Variants in NHLRC3 observed in about 807,000 individuals in gnomAD.
NHLRC3 encodes the protein NHL repeat-containing protein 3.
In NHLRC3, 23 loss-of-function variants were observed where a neutral mutation model predicts 32.0. The observed-to-expected ratio is 0.72, with a 90% CI of 0.52 to 1.02. The LOEUF (loss-of-function observed/expected upper bound fraction) is 1.02, where lower values mean the gene tolerates loss of function less well. Among genes scored for constraint, NHLRC3 ranks in the 50% least tolerant of loss-of-function variants. NHLRC3 has a pLI of 0.00. For missense variants in NHLRC3, 407 were observed against 406.8 expected (o/e 1.00, Z -0.01); for synonymous variants, 159 against 147.9 (o/e 1.08, Z -0.55).
intron 1 of NHLRC3, 117 bp from the exon 2 acceptor site, chr13:39,039,019 C>T (rs1419595744): frequency 1.2e-6 from 1 of 817,454 alleles, no homozygotes; most frequent in South Asian, 1.8e-5. Context: ...TTCAGTCCAG[C>T]AAACTTCTAG....
intron 4 of NHLRC3, 68 bp downstream of exon 4, chr13:39,042,373 T>C: frequency 2.0e-6 from 2 of 1,015,728 alleles, no homozygotes; most frequent in South Asian, 1.6e-5. Flanking sequence ...ATATTTGGTA[T>C]AATGTTTTAA....
chr13:39,045,264 T>G lies in NHLRC3; in HGVS notation c.678+1083T>G, dbSNP rs942222250. On this transcript the variant is annotated intron_variant, in intron 5 of 6. Transcript: ENST00000379600. ...TAAATTGGGAACTGGAAACTTTGAA[T>G]TAAACTTTTGCACATTATCCTCCTG... 3.9e-5 allele frequency among the ~76,000 whole-genome samples: 6 copies of G among 152,180 alleles called. No individual in the cohort carries two copies. The East Asian group carries it at 1.2e-3, about 29-fold the overall frequency.
At chr13:39,044,244 T>TGG (rs1871580604) in intron 5 of NHLRC3, 63 bp downstream of exon 5, 1 of 938,206 alleles carries the variant, frequency 1.1e-6, no homozygotes, top group African/African-American at 1.6e-5. Context: ...TGTGTGTGTG[T>TGG]GTGTGTGTGT....
rs1871288707 is a variant in NHLRC3, at chr13:39,038,465, G to A, written c.-175G>A. The A allele has an allele frequency of 6.4e-6, 4 of 627,774 alleles. No individual in the cohort carries two copies. In the East Asian group the frequency reaches 1.1e-4, roughly 17 times the overall value. The allele number at this position is 627,774 out of a possible 1,614,324, so 38.9% of individuals were successfully genotyped here. The stretch of plus-strand genomic sequence containing the variant: ...GTCTTCTGTGATTTTCATTCGCCCT[G>A]GTCTCTGTTCCCTTTCGTACTCAAA... On this transcript the variant is annotated 5_prime_UTR_variant, in exon 1 of 7. Transcript: ENST00000379600.
intron 4 of NHLRC3, 105 bp downstream of exon 4, chr13:39,042,410 G>A: frequency 1.5e-6 from 1 of 676,538 alleles, no homozygotes. Context: ...GGTGTGTAAA[G>A]AGCTAAGTGT....
At chr13:39,043,607 CA>C (rs1412453787) in intron 4 of NHLRC3, among the ~76,000 whole-genome samples, 1 of 152,128 alleles carries the variant, frequency 6.6e-6, no homozygotes, top group Non-Finnish European at 1.5e-5. Context: ...ATTTTATCTG[CA>C]AAAACTATTT....
At chr13:39,039,408 T>C in intron 2 of NHLRC3, 120 bp downstream of exon 2, 1 of 1,085,646 alleles carries the variant, frequency 9.2e-7, no homozygotes, top group Non-Finnish European at 1.3e-6. Context: ...TATTTTTGAG[T>C]TGGTCTCAAG....
chr13:39,039,243 T>C lies in NHLRC3; in HGVS notation c.192T>C (p.Phe64=), dbSNP rs1228019599. The C allele has an allele frequency of 6.2e-7, 1 of 1,614,106 alleles. No homozygotes were observed. Residue 64 remains phenylalanine (F), a synonymous_variant, in exon 2 of 7, where the codon TTT becomes TTC. Coordinates refer to ENST00000379600, the MANE Select transcript of NHLRC3 (RefSeq NM_001012754.4). Reference sequence around the variant, plus strand: ...CAGAATATTTTACCGGAACAACATTTTGTGTTGCAGTTGACTCCCTCAATG... The same window carrying C: ...CAGAATATTTTACCGGAACAACATTCTGTGTTGCAGTTGACTCCCTCAATG... The part of the protein sequence containing the change: ...KHPEYFTGTT[F]CVAVDSLNGL...
chr13:39,045,697 G>A (rs1844300774), intron 5 of NHLRC3, among the ~76,000 whole-genome samples: 1 of 152,110 alleles, frequency 6.6e-6, no homozygotes, highest in African/African-American at 2.4e-5. Flanking sequence ...TCATTTGTCT[G>A]GGATACTAGT....
intron 5 of NHLRC3, among the ~76,000 whole-genome samples, chr13:39,044,781 A>G (rs1277556012): frequency 6.6e-6 from 1 of 152,178 alleles, no homozygotes; most frequent in Non-Finnish European, 1.5e-5. Context: ...CTAAGCATAG[A>G]TCTCACTTCT....
In NHLRC3 at chr13:39,044,229, T is replaced by TTGTGGGTGTGTG. The variant is rs397951843; in HGVS notation, c.678+52_678+53insGGTGTGTGTGTG. 2.1e-3 allele frequency: 1,804 copies of TTGTGGGTGTGTG among 858,900 alleles called. 61 individuals carry two copies. Among genetic ancestry groups the TTGTGGGTGTGTG allele is most frequent in the African/African-American group, 6.0e-3 (304 of 50,534 alleles). The allele number at this position is 858,900 out of a possible 1,614,324, so 53.2% of individuals were successfully genotyped here. On this transcript the variant is annotated intron_variant, in intron 5 of 6. Transcript: ENST00000379600. ...TCTGGGACTTTGTGTCTGAATATGT[T>TTGTGGGTGTGTG]TGTGTGTGTGTGTGTGTGTGTGTGT...
intron 5 of NHLRC3, among the ~76,000 whole-genome samples, chr13:39,046,239 T>TAC (rs1224845900): frequency 2.0e-5 from 3 of 152,068 alleles, no homozygotes; most frequent in Non-Finnish European, 4.4e-5. Context: ...GAATGGCGTG[T>TAC]ACCCGGGAGG....
rs959455517 is a variant in NHLRC3 at position 39,049,358 on chromosome 13, A to G, written c.*1432A>G. Reference sequence around the variant, plus strand: ...TACTCTGTATTCCAAGGCCATTGGTAAATGTGTTGGTGCCACTGATCGGAC... The same window carrying G: ...TACTCTGTATTCCAAGGCCATTGGTGAATGTGTTGGTGCCACTGATCGGAC... On this transcript the variant is annotated 3_prime_UTR_variant, in exon 7 of 7. Transcript: ENST00000379600. 4 of 152,218 alleles carry G rather than the reference A, an allele frequency of 2.6e-5. No individual in the cohort carries two copies. The highest frequency in any genetic ancestry group is 7.2e-5 in the African/African-American group (3 of 41,458). The allele number at this position is 152,218 out of a possible 1,614,324, so 9.4% of individuals were successfully genotyped here.
chr13:39,049,905 G>C lies in NHLRC3; in HGVS notation c.*1979G>C, dbSNP rs1871840827. 6.6e-6 allele frequency: 1 copy of C among 152,180 alleles called. No individual in the cohort carries two copies. Among genetic ancestry groups the C allele is most frequent in the Admixed American group, 6.6e-5 (1 of 15,266 alleles). 9.4% of individuals were successfully genotyped at this position (152,180 alleles called of 1,614,324 possible). A position where few individuals can be genotyped will look rare whatever the true frequency, so the allele number is the denominator to read the frequency against. On this transcript the variant is annotated 3_prime_UTR_variant, in exon 7 of 7. Transcript: ENST00000379600. ...TTTATATCAGAGTCTTATAAAACCTGCTGCAAATATTTCTGAATGTCTTTG... is the reference window on the plus strand; with the variant it reads ...TTTATATCAGAGTCTTATAAAACCTCCTGCAAATATTTCTGAATGTCTTTG...
At chr13:39,039,309 A>G in intron 2 of NHLRC3, 21 bp downstream of exon 2, 1 of 1,589,304 alleles carries the variant, frequency 6.3e-7, no homozygotes, top group Middle Eastern at 1.7e-4. Flanking sequence ...AGAGATTTAA[A>G]AAAATTATGA....
chr13:39,039,596 C>T lies in NHLRC3; in HGVS notation c.270C>T (p.Phe90=). The T allele has an allele frequency of 1.9e-6, 3 of 1,612,058 alleles. No homozygotes were observed. The highest frequency in any genetic ancestry group is 8.5e-7 in the Non-Finnish European group (1 of 1,178,270). Residue 90 remains phenylalanine (F), a synonymous_variant, in exon 3 of 7, where the codon TTC becomes TTT. Coordinates refer to ENST00000379600, the MANE Select transcript of NHLRC3 (RefSeq NM_001012754.4). The stretch of plus-strand genomic sequence containing the variant: ...ATAACATCCCAAAGATATTAGTGTT[C>T]ACAGAGGATGGATATTTCCTACGAG... ...RGDNIPKILV[F]TEDGYFLRAW...
In NHLRC3 at chr13:39,038,600, A is replaced by C; in HGVS notation, c.-40A>C. 2.6e-6 allele frequency: 4 copies of C among 1,564,808 alleles called. No homozygotes were observed. Among genetic ancestry groups the C allele is most frequent in the Non-Finnish European group, 3.5e-6 (4 of 1,134,922 alleles). On this transcript the variant is annotated 5_prime_UTR_variant, in exon 1 of 7. Coordinates refer to ENST00000379600, the MANE Select transcript of NHLRC3 (RefSeq NM_001012754.4). ...CTGAGGCTGTCAGGTCCTCCCCCAGACACCTGCGGACCCTCCCTCTCCTGG... is the reference window on the plus strand; with the variant it reads ...CTGAGGCTGTCAGGTCCTCCCCCAGCCACCTGCGGACCCTCCCTCTCCTGG...
In NHLRC3 at chr13:39,049,555, G is replaced by A. The variant is rs773612583; in HGVS notation, c.*1629G>A. 2.0e-5 allele frequency: 3 copies of A among 152,132 alleles called. No homozygotes were observed. Among genetic ancestry groups the A allele is most frequent in the Non-Finnish European group, 2.9e-5 (2 of 68,022 alleles). 9.4% of individuals were successfully genotyped at this position (152,132 alleles called of 1,614,324 possible). ...TATTAACAAAGGCCCTTCTAAATGT[G>A]CTATTTATTTGACAATAACTATCAG... is the stretch of plus-strand genomic sequence containing the variant. On this transcript the variant is annotated 3_prime_UTR_variant, in exon 7 of 7. Coordinates refer to ENST00000379600, the MANE Select transcript of NHLRC3 (RefSeq NM_001012754.4).
In NHLRC3 at chr13:39,038,527, T is replaced by C; in HGVS notation, c.-113T>C. On this transcript the variant is annotated 5_prime_UTR_variant, in exon 1 of 7. Coordinates refer to ENST00000379600, the MANE Select transcript of NHLRC3 (RefSeq NM_001012754.4). ...CAGGGAGGGGAAACCGGAGATAGGG[T>C]CTTCGGGCCCCGGGCAGACCCTCTG... The C allele has an allele frequency of 1.2e-6, 1 of 842,402 alleles. No homozygotes were observed. 52.2% of individuals were successfully genotyped at this position (842,402 alleles called of 1,614,324 possible).
Sources: gnomAD v4.1 joint callset for allele counts (sites outside exome capture counted in the v4.1 genomes callset) on GRCh38, gnomAD v4.1.1 for gene constraint, MANE v1.5 for transcripts, NCBI Gene and HGNC (gene_info 2026-07-23, HGNC 2026-07-21) for gene names.